RFX3: variants seen among roughly 807,000 people sequenced by gnomAD.
RFX3 encodes regulatory factor X3, also known as transcription factor RFX3.
RFX3 carries 14 observed loss-of-function variants against 98.6 expected under a neutral mutation model. The observed-to-expected ratio is 0.14, with a 90% confidence interval of 0.09 to 0.22. The LOEUF is 0.22. Among genes scored for constraint, RFX3 ranks in the 10% least tolerant of loss-of-function variants. The pLI is 1.00. For missense variants in RFX3, 639 were observed against 926.9 expected (o/e 0.69, Z 4.03); for synonymous variants, 383 against 328.4 (o/e 1.17, Z -1.80).
intron 1 of RFX3, among the ~76,000 whole-genome samples, chr9:3,494,991 AT>A (rs1272766894): frequency 5.3e-5 from 8 of 152,026 alleles, no homozygotes; most frequent in African/African-American, 1.9e-4. Flanking sequence ...TGGTAGTTTA[AT>A]TAGTTTTTCT....
chr9:3,465,116 T>C (rs181312973), intron 1 of RFX3, among the ~76,000 whole-genome samples: 8 of 152,302 alleles, frequency 5.3e-5, no homozygotes, highest in Admixed American at 3.3e-4. Flanking sequence ...ATGCAGGTCA[T>C]TCTTTTCCAG....
chr9:3,279,080 T>G (rs928209764), intron 7 of RFX3, among the ~76,000 whole-genome samples: 14 of 149,040 alleles, frequency 9.4e-5, no homozygotes, highest in Non-Finnish European at 1.9e-4. Context: ...TTTTTCTGAT[T>G]TTTTTTTCCT....
At chr9:3,341,921 T>C (rs1215029087) in intron 3 of RFX3, among the ~76,000 whole-genome samples, 1 of 152,192 alleles carries the variant, frequency 6.6e-6, no homozygotes, top group Non-Finnish European at 1.5e-5. Flanking sequence ...GAGACAGCAT[T>C]TGAATAATAA....
At chr9:3,270,679 G>A in intron 10 of RFX3, 154 bp from the exon 11 acceptor site, 1 of 753,048 alleles carries the variant, frequency 1.3e-6, no homozygotes. Context: ...TATACCGAGA[G>A]AGACAGACAG....
At chr9:3,335,183 G>GGCAA (rs1417322638) in intron 3 of RFX3, among the ~76,000 whole-genome samples, 104 of 151,958 alleles carry the variant, frequency 6.8e-4, no homozygotes, top group South Asian at 4.2e-4. Context: ...AAGGTAAGAA[G>GGCAA]GCAAGCATGA....
intron 15 of RFX3, among the ~76,000 whole-genome samples, chr9:3,233,334 T>C (rs954608703): frequency 6.6e-6 from 1 of 152,220 alleles, no homozygotes; most frequent in Admixed American, 6.5e-5. Context: ...CTAGTATCTA[T>C]ACCTGAGCAT....
At chr9:3,344,892 A>AT in intron 3 of RFX3, 1 of 704,924 alleles carries the variant, frequency 1.4e-6, no homozygotes. Flanking sequence ...TATACAACAA[A>AT]TAAGTAGAGT....
chr9:3,443,650 G>C (rs1300752286), intron 1 of RFX3, among the ~76,000 whole-genome samples: 1 of 152,142 alleles, frequency 6.6e-6, no homozygotes, highest in Non-Finnish European at 1.5e-5. Flanking sequence ...ATTGTGAATA[G>C]TGCTGCAATA....
At chr9:3,432,586 C>CA (rs990086826) in intron 1 of RFX3, among the ~76,000 whole-genome samples, 81 of 150,976 alleles carry the variant, frequency 5.4e-4, no homozygotes, top group African/African-American at 1.8e-3. Flanking sequence ...TAGATGTGGC[C>CA]AAAAAAAAGG....
At chr9:3,253,196 A>T (rs1211718825) in intron 14 of RFX3, among the ~76,000 whole-genome samples, 1 of 152,222 alleles carries the variant, frequency 6.6e-6, no homozygotes, top group African/African-American at 2.4e-5. Context: ...ATGCCCTAAC[A>T]TGCGATAGCC....
chr9:3,246,656 G>A (rs895500657), intron 15 of RFX3, among the ~76,000 whole-genome samples: 2 of 152,162 alleles, frequency 1.3e-5, no homozygotes, highest in Non-Finnish European at 2.9e-5. Context: ...TGCTACCTGG[G>A]CATTTTCCAA....
intron 7 of RFX3, among the ~76,000 whole-genome samples, chr9:3,283,314 A>G (rs1321046359): frequency 6.6e-6 from 1 of 151,754 alleles, no homozygotes; most frequent in Admixed American, 6.6e-5. Flanking sequence ...CTAACACTTT[A>G]ACACTTCCAG....
At chr9:3,439,170 A>G (rs1845415588) in intron 1 of RFX3, among the ~76,000 whole-genome samples, 1 of 151,958 alleles carries the variant, frequency 6.6e-6, no homozygotes, top group Non-Finnish European at 1.5e-5. Context: ...TAAGCCACTA[A>G]AACAGTACTT....
intron 15 of RFX3, among the ~76,000 whole-genome samples, chr9:3,245,164 T>G (rs1820494663): frequency 6.6e-6 from 1 of 152,154 alleles, no homozygotes; most frequent in Admixed American, 6.5e-5. Flanking sequence ...CAAGTAAAAG[T>G]ACATATCAGA....
chr9:3,413,703 C>A (rs1321565945), intron 1 of RFX3, among the ~76,000 whole-genome samples: 1 of 152,062 alleles, frequency 6.6e-6, no homozygotes, highest in Non-Finnish European at 1.5e-5. Flanking sequence ...TGCTTTAACA[C>A]CTTTTGAGTA....
intron 1 of RFX3, among the ~76,000 whole-genome samples, chr9:3,452,823 A>G (rs2132895147): frequency 6.6e-6 from 1 of 152,316 alleles, no homozygotes; most frequent in Non-Finnish European, 1.5e-5. Flanking sequence ...TCTGATTTCA[A>G]CCTTTGTATC....
chr9:3,449,512 G>C (rs1846371324), intron 1 of RFX3, among the ~76,000 whole-genome samples: 1 of 152,132 alleles, frequency 6.6e-6, no homozygotes, highest in Non-Finnish European at 1.5e-5. Flanking sequence ...CAGTTTATTT[G>C]ACACTTTTCT....
intron 3 of RFX3, among the ~76,000 whole-genome samples, chr9:3,346,248 G>A (rs1834429520): frequency 6.6e-6 from 1 of 152,098 alleles, no homozygotes; most frequent in Admixed American, 6.6e-5. Context: ...TTCTGAAAAT[G>A]TTCAAAAATC....
At chr9:3,518,608 T>C (rs1312907233) in intron 1 of RFX3, among the ~76,000 whole-genome samples, 1 of 152,142 alleles carries the variant, frequency 6.6e-6, no homozygotes, top group Non-Finnish European at 1.5e-5. Context: ...CACTCTAAAA[T>C]GAGAAAAGTA....
Sources: gnomAD v4.1 joint callset for allele counts (sites outside exome capture counted in the v4.1 genomes callset) on GRCh38, gnomAD v4.1.1 for gene constraint, MANE v1.5 for transcripts, NCBI Gene and HGNC (gene_info 2026-07-23, HGNC 2026-07-21) for gene names.